Variants in CCDC80 observed in about 807,000 individuals in gnomAD.
CCDC80 encodes coiled-coil domain-containing protein 80.
In CCDC80, 49 loss-of-function variants were observed where a neutral mutation model predicts 78.7. The observed-to-expected ratio is 0.62, with a 90% confidence interval of 0.50 to 0.79. CCDC80 has a LOEUF of 0.79. Among genes scored for constraint, CCDC80 ranks in the 30% least tolerant of loss-of-function variants. The pLI is 0.00. For synonymous variants in CCDC80, 488 were observed against 447.0 expected (o/e 1.09, Z -1.16); for missense variants, 1,205 against 1,198.6 (o/e 1.01, Z -0.08).
rs1299115253 is a variant in CCDC80, at chr3:112,639,593, C to T, written c.313G>A (p.Glu105Lys). The change falls in exon 2 of 8, where the codon GAG becomes AAG. Residue 105 changes from glutamate to lysine, a missense_variant. Physicochemically the swap from Glu to Lys is moderately conservative, Grantham distance 56. Transcript: ENST00000206423. ...GAGCCCCTGGCTGCTGGTCTTTGCT[C>T]AGGTCTCACGGCGGCCCCATTGATG... ...SDINGAAVRP[E>K]QRPAARGSPR... is the part of the protein sequence containing the mutation. The T allele has an allele frequency of 1.2e-6, 2 of 1,614,182 alleles. No homozygotes were observed. The highest frequency in any genetic ancestry group is 2.2e-5 in the East Asian group (1 of 44,884).
intron 5 of CCDC80, among the ~76,000 whole-genome samples, chr3:112,613,315 G>T (rs760821405): frequency 6.6e-6 from 1 of 151,994 alleles, no homozygotes. Context: ...ATCAGGCACC[G>T]CTATGGGACA....
Position 112,601,703 on chromosome 3 carries a change from A to AAAG in CCDC80, c.*3713_*3714insCTT, listed in dbSNP as rs1559872392. 25 of 10,908 alleles carry AAAG rather than the reference A, an allele frequency of 2.3e-3. No individual in the cohort carries two copies. Among genetic ancestry groups the AAAG allele is most frequent in the African/African-American group, 2.8e-3 (25 of 9,082 alleles). The allele number at this position is 10,908 out of a possible 1,614,324, so 0.7% of individuals were successfully genotyped here. ...AAAAAAAGAAAAAAAAAAAGAGAAA[A>AAAG]AAAAGAAGCAGCAGCAACGAAAGGA... On this transcript the variant is annotated 3_prime_UTR_variant, in exon 8 of 8. Coordinates refer to ENST00000206423, the MANE Select transcript of CCDC80 (RefSeq NM_199511.3).
At chr3:112,619,815 T>C (rs888755806) in intron 3 of CCDC80, among the ~76,000 whole-genome samples, 1 of 152,196 alleles carries the variant, frequency 6.6e-6, no homozygotes, top group Non-Finnish European at 1.5e-5. Flanking sequence ...ATGGGAAGCA[T>C]GAAAATCAAG....
At position 112,638,247 on chromosome 3, in the gene CCDC80, C is replaced by CT. The variant is rs1253078189; in HGVS notation, c.1658dup (p.Met554AspfsTer4). 2.5e-6 allele frequency: 4 copies of CT among 1,613,126 alleles called. No individual in the cohort carries two copies. Among genetic ancestry groups the CT allele is most frequent in the Non-Finnish European group, 3.4e-6 (4 of 1,179,390 alleles). ...ACTTGTCTGCGTTCTCATTCTTCATCTTTTTTTTCTTCTCCTTCTCTGGTT... is the reference window on the plus strand; with the variant it reads ...ACTTGTCTGCGTTCTCATTCTTCATCTTTTTTTTTCTTCTCCTTCTCTGGTT... On this transcript the variant is annotated frameshift_variant, in exon 2 of 8. Transcript: ENST00000206423. LOFTEE classifies it high-confidence loss of function.
chr3:112,605,457 T>G lies in CCDC80; in HGVS notation c.2813A>C (p.Tyr938Ser). 6.2e-7 allele frequency: 1 copy of G among 1,613,862 alleles called. No homozygotes were observed. The highest frequency in any genetic ancestry group is 2.2e-5 in the East Asian group (1 of 44,886). ...ATGGTGATAACTCTCATGATGACGG[T>G]AGTCATCCTGGTAACCATCCTGGTA... ...QGYQDGYQDD[Y>S]RHHESYHHGY... Residue 938 changes from tyrosine to serine, a missense_variant, in exon 8 of 8, where the codon TAC becomes TCC. Coordinates refer to ENST00000206423, the MANE Select transcript of CCDC80 (RefSeq NM_199511.3).
rs189157672 is a variant in CCDC80, at chr3:112,639,496, C to T, written c.410G>A (p.Ser137Asn). 5.2e-5 allele frequency: 84 copies of T among 1,614,206 alleles called. No homozygotes were observed. In the East Asian group the frequency reaches 9.4e-4, roughly 18 times the overall value. Residue 137 changes from serine (S) to asparagine (N), a missense_variant, in exon 2 of 8, where the codon AGC (serine) becomes AAC (asparagine). Ser to Asn is a conservative substitution (Grantham distance 46). Transcript: ENST00000206423. ...AAAGCTGGCAAGGATGTTGGGAGAG[C>T]TGGACCCCGAAGGGAAACGCAACAT... The part of the protein sequence containing the change: ...SRMLRFPSGS[S>N]SPNILASFAG...
intron 6 of CCDC80, among the ~76,000 whole-genome samples, chr3:112,609,373 T>C (rs1485613718): frequency 6.6e-6 from 1 of 152,226 alleles, no homozygotes; most frequent in Admixed American, 6.5e-5. Context: ...CAGTAAACTA[T>C]GTTTTTCTTT....
At chr3:112,617,259 G>A (rs945637790) in intron 4 of CCDC80, among the ~76,000 whole-genome samples, 1 of 152,202 alleles carries the variant, frequency 6.6e-6, no homozygotes, top group African/African-American at 2.4e-5. Flanking sequence ...TGTGTAACCT[G>A]AGCAATAAGA....
Position 112,602,547 on chromosome 3 carries a change from A to G in CCDC80, c.*2870T>C, listed in dbSNP as rs1195055649. 6.6e-6 allele frequency: 1 copy of G among 152,266 alleles called. No individual in the cohort carries two copies. The highest frequency in any genetic ancestry group is 2.4e-5 in the African/African-American group (1 of 41,474). The allele number at this position is 152,266 out of a possible 1,614,324, so 9.4% of individuals were successfully genotyped here. On this transcript the variant is annotated 3_prime_UTR_variant, in exon 8 of 8. Coordinates refer to ENST00000206423, the MANE Select transcript of CCDC80 (RefSeq NM_199511.3). Reference sequence around the variant, plus strand: ...ATTAAAAGTGCTACTTTGTGAATGCATGAATGATAAAAAAGTAAAACAGCC... The same window carrying G: ...ATTAAAAGTGCTACTTTGTGAATGCGTGAATGATAAAAAAGTAAAACAGCC...
chr3:112,635,452 C>A (rs763281522), intron 2 of CCDC80, among the ~76,000 whole-genome samples: 3 of 152,178 alleles, frequency 2.0e-5, no homozygotes, highest in Admixed American at 6.5e-5. Flanking sequence ...GTAACATTAG[C>A]CAAGTTTGAT....
chr3:112,630,219 A>G lies in CCDC80; in HGVS notation c.1929T>C (p.Asp643=). Residue 643 remains aspartate, a synonymous_variant, in exon 3 of 8, where the codon GAT becomes GAC. Transcript: ENST00000206423. ...AENNMYVQQR[D]EYLESFCKMA... ...TCTTGCAGAAACTTTCCAGATATTC[A>G]TCACGTTGTTGCACATACATATTGT... is the stretch of plus-strand genomic sequence containing the variant. 1.2e-6 allele frequency: 2 copies of G among 1,613,942 alleles called. No homozygotes were observed. Among genetic ancestry groups the G allele is most frequent in the South Asian group, 2.2e-5 (2 of 91,084 alleles).
chr3:112,616,839 A>G lies in CCDC80; in HGVS notation c.2192T>C (p.Ile731Thr), dbSNP rs1935762096. The G allele has an allele frequency of 6.2e-7, 1 of 1,613,964 alleles. No homozygotes were observed. Among genetic ancestry groups the G allele is most frequent in the Non-Finnish European group, 8.5e-7 (1 of 1,179,978 alleles). ...CAGATCAAACACAGACTTCATTGTT[A>G]TTGGTACCTCATAGTATTGCTGTTT... is the stretch of plus-strand genomic sequence containing the variant. ...LRVKQYYEVP[I>T]TMKSVFDLID... Residue 731 changes from isoleucine to threonine, a missense_variant, in exon 5 of 8, where the codon ATA (isoleucine) becomes ACA (threonine). Transcript: ENST00000206423.
At position 112,605,512 on chromosome 3, in the gene CCDC80, C is replaced by T. The variant is rs1019048233; in HGVS notation, c.2758G>A (p.Gly920Ser). 6.2e-6 allele frequency: 10 copies of T among 1,614,022 alleles called. No homozygotes were observed. The African/African-American group carries it at 1.1e-4, about 17-fold the overall frequency. ...GMRCPEDEYA[G>S]YGYHSYHQGY... is the part of the protein sequence containing the mutation. ...TGGTGGTAACTATGGTAACCATAGC[C>T]TGCATACTCATCTTCTGGGCAGCGC... The change falls in exon 8 of 8, where the codon GGC (glycine) becomes AGC (serine). Residue 920 changes from glycine (G) to serine (S), a missense_variant. Coordinates refer to ENST00000206423, the MANE Select transcript of CCDC80 (RefSeq NM_199511.3).
At chr3:112,627,642 T>C (rs529918106) in intron 3 of CCDC80, among the ~76,000 whole-genome samples, 8 of 152,364 alleles carry the variant, frequency 5.3e-5, no homozygotes, top group East Asian at 1.9e-4. Flanking sequence ...ACTGAGCCCA[T>C]GGCTCATGCC....
In CCDC80 at chr3:112,639,663, G is replaced by C; in HGVS notation, c.243C>G (p.Pro81=). The change falls in exon 2 of 8, where the codon CCC becomes CCG. Residue 81 remains proline (P), a synonymous_variant. Coordinates refer to ENST00000206423, the MANE Select transcript of CCDC80 (RefSeq NM_199511.3). Reference sequence around the variant, plus strand: ...CTGTTGGGCGAGCTAGTCTCAACACGGGCACACTCCTCCTTCTCTGGAGAG... The same window carrying C: ...CTGTTGGGCGAGCTAGTCTCAACACCGGCACACTCCTCCTTCTCTGGAGAG... ...LQPLQRRRSV[P]VLRLARPTEP... The C allele has an allele frequency of 3.7e-6, 6 of 1,614,128 alleles. No individual in the cohort carries two copies. The highest frequency in any genetic ancestry group is 4.2e-6 in the Non-Finnish European group (5 of 1,180,034).
At chr3:112,618,226 A>G (rs1420416947) in intron 4 of CCDC80, among the ~76,000 whole-genome samples, 1 of 152,192 alleles carries the variant, frequency 6.6e-6, no homozygotes, top group African/African-American at 2.4e-5. Context: ...TAGGTGTAAA[A>G]CCCCAAACTT....
chr3:112,638,812 G>A lies in CCDC80; in HGVS notation c.1094C>T (p.Thr365Met), dbSNP rs771624976. Residue 365 changes from threonine (T) to methionine (M), a missense_variant, in exon 2 of 8, where the codon ACG (threonine) becomes ATG (methionine). Thr to Met is a moderately conservative substitution (Grantham distance 81). Coordinates refer to ENST00000206423, the MANE Select transcript of CCDC80 (RefSeq NM_199511.3). ...TGCAGCAACTGTTACCGCCCGGGAC[G>A]TGGACCGAGTCACTGTTGTGGCTGG... ...PAPATTVTRS[T>M]SRAVTVAARP... The A allele has an allele frequency of 6.8e-6, 11 of 1,613,856 alleles. No homozygotes were observed. The highest frequency in any genetic ancestry group is 6.8e-6 in the Non-Finnish European group (8 of 1,180,004).
chr3:112,617,861 A>G (rs551839742), intron 4 of CCDC80, among the ~76,000 whole-genome samples: 21 of 152,368 alleles, frequency 1.4e-4, no homozygotes, highest in African/African-American at 5.0e-4. Flanking sequence ...TGCTTTAAAG[A>G]AGTATTAAGA....
At position 112,616,703 on chromosome 3, in the gene CCDC80, G is replaced by C; in HGVS notation, c.2321+7C>G. Reference sequence around the variant, plus strand: ...CTTCCTCTTTAGCGACTCCAAAGGTGATGTACCTGGATAGGAAGTTCTCCA... The same window carrying C: ...CTTCCTCTTTAGCGACTCCAAAGGTCATGTACCTGGATAGGAAGTTCTCCA... On this transcript the variant is annotated splice_region_variant and intron_variant, in intron 5 of 7. Coordinates refer to ENST00000206423, the MANE Select transcript of CCDC80 (RefSeq NM_199511.3). The C allele has an allele frequency of 6.2e-7, 1 of 1,613,998 alleles. No homozygotes were observed. Among genetic ancestry groups the C allele is most frequent in the Middle Eastern group, 1.7e-4 (1 of 6,060 alleles).
Sources: allele counts gnomAD v4.1 joint callset (sites outside exome capture counted in the v4.1 genomes callset), GRCh38; gene constraint gnomAD v4.1.1; transcripts MANE v1.5; gene names NCBI Gene and HGNC (gene_info 2026-07-23, HGNC 2026-07-21).